The following UBTD1 variants were observed in gnomAD, a reference collection of about 807,000 sequenced individuals.
The protein encoded by UBTD1 is ubiquitin domain-containing protein 1.
Under a neutral mutation model 21.7 loss-of-function variants are expected in UBTD1, and 19 were observed. The observed-to-expected ratio is 0.87, with a 90% CI of 0.61 to 1.28. The LOEUF (loss-of-function observed/expected upper bound fraction) is 1.28, where lower values mean the gene tolerates loss of function less well. Among genes scored for constraint, UBTD1 ranks in the 50% most tolerant of loss-of-function variants. The pLI is 0.00. For synonymous variants in UBTD1, 116 were observed against 135.1 expected, an observed-to-expected ratio of 0.86 and a Z score of 0.98; for missense variants, 282 against 315.1, an observed-to-expected ratio of 0.89 and a Z score of 0.80.
At chr10:97,540,383 C>G (rs1054768176) in intron 1 of UBTD1, among the ~76,000 whole-genome samples, 3 of 152,216 alleles carry the variant, frequency 2.0e-5, no homozygotes, top group Non-Finnish European at 4.4e-5. Context: ...TCCCCTGACA[C>G]TCAGGAGACG....
chr10:97,526,016 G>A (rs575010260), intron 1 of UBTD1, among the ~76,000 whole-genome samples: 1 of 152,312 alleles, frequency 6.6e-6, no homozygotes, highest in African/African-American at 2.4e-5. Context: ...CAGCAGCAAG[G>A]AAGATGGTCA....
chr10:97,548,753 G>T (rs1344811279), intron 1 of UBTD1, among the ~76,000 whole-genome samples: 2 of 152,182 alleles, frequency 1.3e-5, no homozygotes, highest in Non-Finnish European at 2.9e-5. Context: ...CTCTGGTCTG[G>T]GCAACAGAGC....
At chr10:97,552,599 T>TA (rs1279041558) in intron 1 of UBTD1, among the ~76,000 whole-genome samples, 2 of 152,014 alleles carry the variant, frequency 1.3e-5, no homozygotes, top group Non-Finnish European at 2.9e-5. Flanking sequence ...GATGGGTTTT[T>TA]ACCATGTTGT....
intron 1 of UBTD1, among the ~76,000 whole-genome samples, chr10:97,542,620 C>A (rs2040592072): frequency 6.6e-6 from 1 of 152,178 alleles, no homozygotes; most frequent in Non-Finnish European, 1.5e-5. Context: ...GGTGAAGGGG[C>A]CTTCCCTGTT....
chr10:97,542,734 G>T (rs922690128), intron 1 of UBTD1, among the ~76,000 whole-genome samples: 1 of 152,228 alleles, frequency 6.6e-6, no homozygotes, highest in Non-Finnish European at 1.5e-5. Context: ...ATTATCCTCT[G>T]GGCAGGGCAG....
In UBTD1 at chr10:97,568,154, G is replaced by A; in HGVS notation, c.298+13G>A. The A allele has an allele frequency of 6.8e-6, 11 of 1,613,240 alleles. No homozygotes were observed. Among genetic ancestry groups the A allele is most frequent in the Non-Finnish European group, 9.3e-6 (11 of 1,179,892 alleles). On this transcript the variant is annotated intron_variant, in intron 2 of 2. Coordinates refer to ENST00000370664, the MANE Select transcript of UBTD1 (RefSeq NM_024954.5). ...ACCCTGCCTCATGGTAAGTGGGCAGGGCCAGGGCTTTATCCCCGCTGGAGC... is the reference window on the plus strand; with the variant it reads ...ACCCTGCCTCATGGTAAGTGGGCAGAGCCAGGGCTTTATCCCCGCTGGAGC...
chr10:97,525,446 G>A (rs1030574051), intron 1 of UBTD1, among the ~76,000 whole-genome samples: 1 of 152,288 alleles, frequency 6.6e-6, no homozygotes, highest in South Asian at 2.1e-4. Context: ...CTAGCTGGGC[G>A]CCGACATTTT....
At chr10:97,534,570 C>T (rs1021930442) in intron 1 of UBTD1, among the ~76,000 whole-genome samples, 32 of 91,930 alleles carry the variant, frequency 3.5e-4, no homozygotes, top group Admixed American at 1.7e-3. Context: ...GGAACACACA[C>T]GCGCGCGCGC....
chr10:97,567,279 C>A (rs1003164545), intron 1 of UBTD1, among the ~76,000 whole-genome samples: 23 of 151,194 alleles, frequency 1.5e-4, no homozygotes, highest in Middle Eastern at 3.4e-3. Flanking sequence ...TACCATGTTG[C>A]CCTGGGTGGT....
At chr10:97,550,356 T>G (rs1339392291) in intron 1 of UBTD1, among the ~76,000 whole-genome samples, 1 of 152,220 alleles carries the variant, frequency 6.6e-6, no homozygotes, top group African/African-American at 2.4e-5. Context: ...CTGCTCCCTT[T>G]GGCTGGTCTC....
chr10:97,544,733 G>A (rs1295137330), intron 1 of UBTD1, among the ~76,000 whole-genome samples: 1 of 152,240 alleles, frequency 6.6e-6, no homozygotes, highest in Non-Finnish European at 1.5e-5. Flanking sequence ...GCTCATGCGT[G>A]TAATCCCAAC....
At chr10:97,535,648 T>A (rs1396210159) in intron 1 of UBTD1, among the ~76,000 whole-genome samples, 1 of 152,022 alleles carries the variant, frequency 6.6e-6, no homozygotes, top group Non-Finnish European at 1.5e-5. Context: ...AAAAATTACT[T>A]GCAGCTGTAG....
intron 1 of UBTD1, among the ~76,000 whole-genome samples, chr10:97,567,681 A>T (rs1474191134): frequency 6.6e-6 from 1 of 152,000 alleles, no homozygotes. Context: ...ACAAAAAACA[A>T]AAACAATGGT....
intron 1 of UBTD1, among the ~76,000 whole-genome samples, chr10:97,544,772 C>G (rs754759312): frequency 1.3e-5 from 2 of 152,178 alleles, no homozygotes; most frequent in Non-Finnish European, 2.9e-5. Flanking sequence ...GGGAGGATCA[C>G]TTGCACCTAG....
chr10:97,521,360 C>G (rs1379427404), intron 1 of UBTD1, among the ~76,000 whole-genome samples: 2 of 152,146 alleles, frequency 1.3e-5, no homozygotes, highest in Admixed American at 1.3e-4. Context: ...TGGAAGTTTC[C>G]AGGAGTTACT....
chr10:97,534,775 G>C (rs1033272510), intron 1 of UBTD1, among the ~76,000 whole-genome samples: 25 of 152,256 alleles, frequency 1.6e-4, no homozygotes, highest in African/African-American at 6.0e-4. Flanking sequence ...CCATTTGGGA[G>C]CTGCCAGTTT....
At chr10:97,539,573 T>C (rs1111831) in intron 1 of UBTD1, among the ~76,000 whole-genome samples, 144,669 of 151,728 alleles carry the variant, frequency 0.95, 69,164 homozygotes, top group Non-Finnish European at 0.99. Flanking sequence ...CCAGCCTGGG[T>C]GACAGAGAGA....
intron 1 of UBTD1, among the ~76,000 whole-genome samples, chr10:97,527,584 A>G (rs569999250): frequency 2.6e-5 from 4 of 152,126 alleles, no homozygotes; most frequent in Non-Finnish European, 5.9e-5. Context: ...CAAGTGAACA[A>G]AGGTCTCTGG....
At chr10:97,540,681 G>T (rs150518451) in intron 1 of UBTD1, among the ~76,000 whole-genome samples, 2 of 152,360 alleles carry the variant, frequency 1.3e-5, no homozygotes, top group African/African-American at 4.8e-5. Context: ...CAGAGCCAGG[G>T]TTCTCTCTCA....
Sources: allele counts gnomAD v4.1 joint callset (sites outside exome capture counted in the v4.1 genomes callset), GRCh38; gene constraint gnomAD v4.1.1; transcripts MANE v1.5; gene names NCBI Gene and HGNC (gene_info 2026-07-23, HGNC 2026-07-21).